The following CLSTN2 variants were observed in gnomAD, a reference collection of about 807,000 sequenced individuals.
CLSTN2 encodes the protein calsyntenin 2.
A neutral mutation model predicts 101.2 loss-of-function variants in CLSTN2; 48 were observed. The ratio of observed to expected loss-of-function variants is 0.47; its 90% CI spans 0.38 to 0.60. CLSTN2 has a LOEUF of 0.60. Ranked by LOEUF, CLSTN2 falls within the 20% of genes least tolerant of loss-of-function variation. CLSTN2 has a pLI of 0.00. For missense variants in CLSTN2, 1,160 were observed against 1,238.2 expected (o/e 0.94, Z 0.95); for synonymous variants, 481 against 463.6 (o/e 1.04, Z -0.48).
rs2086775104 is a variant in CLSTN2, at chr3:140,274,439, T to C, written c.232+98366T>C. On this transcript the variant is annotated intron_variant, in intron 2 of 16. Transcript: ENST00000458420. ...CTTGATGTTAATTATTTGTTTAAAT[T>C]GGCCCCGTTTTATTTTGTAAAGTTG... 2.0e-5 allele frequency among the ~76,000 whole-genome samples: 3 copies of C among 152,196 alleles called. No homozygotes were observed. The South Asian group carries it at 6.2e-4, about 32-fold the overall frequency.
chr3:140,480,036 T>C (rs979066536), intron 8 of CLSTN2, among the ~76,000 whole-genome samples: 44 of 152,312 alleles, frequency 2.9e-4, no homozygotes, highest in African/African-American at 8.2e-4. Flanking sequence ...TGTGCCATGT[T>C]GGTGTGCTGC....
At chr3:140,300,525 T>C (rs768476524) in intron 2 of CLSTN2, among the ~76,000 whole-genome samples, 3 of 152,146 alleles carry the variant, frequency 2.0e-5, no homozygotes, top group Non-Finnish European at 2.9e-5. Context: ...TATTACTAGA[T>C]AGTTGGTGCT....
At chr3:140,298,228 A>G (rs1347667397) in intron 2 of CLSTN2, among the ~76,000 whole-genome samples, 1 of 152,254 alleles carries the variant, frequency 6.6e-6, no homozygotes, top group African/African-American at 2.4e-5. Context: ...CAAATCACTT[A>G]ATATGTGTAA....
At chr3:140,037,702 C>T (rs1001728437) in intron 1 of CLSTN2, among the ~76,000 whole-genome samples, 3 of 152,102 alleles carry the variant, frequency 2.0e-5, no homozygotes, top group African/African-American at 7.2e-5. Flanking sequence ...CTCCCTACCC[C>T]GACCCCACTG....
chr3:140,157,133 A>G (rs1363209351), intron 1 of CLSTN2, among the ~76,000 whole-genome samples: 3 of 152,070 alleles, frequency 2.0e-5, no homozygotes. Context: ...TTATTTTTTT[A>G]AAGAAAAAGA....
At chr3:140,071,249 C>A (rs1199972935) in intron 1 of CLSTN2, among the ~76,000 whole-genome samples, 1 of 151,988 alleles carries the variant, frequency 6.6e-6, no homozygotes, top group Admixed American at 6.6e-5. Context: ...CATTGCAATA[C>A]CTTCCGCATG....
At chr3:140,312,638 T>C (rs2087181795) in intron 2 of CLSTN2, among the ~76,000 whole-genome samples, 1 of 152,212 alleles carries the variant, frequency 6.6e-6, no homozygotes, top group Non-Finnish European at 1.5e-5. Context: ...TCTATCATGT[T>C]GTTAGCATTG....
chr3:140,411,139 G>C (rs1462452649), intron 4 of CLSTN2, among the ~76,000 whole-genome samples: 1 of 152,180 alleles, frequency 6.6e-6, no homozygotes, highest in Non-Finnish European at 1.5e-5. Flanking sequence ...AAAAGGCATA[G>C]AGTGGATCAA....
At chr3:140,457,250 A>G (rs150055682) in intron 6 of CLSTN2, among the ~76,000 whole-genome samples, 1 of 152,342 alleles carries the variant, frequency 6.6e-6, no homozygotes, top group Non-Finnish European at 1.5e-5. Flanking sequence ...GCTAGAAGTC[A>G]GAAGCCCTGA....
chr3:140,189,608 T>TA (rs1319864644), intron 2 of CLSTN2, among the ~76,000 whole-genome samples: 12 of 152,240 alleles, frequency 7.9e-5, no homozygotes, highest in Non-Finnish European at 1.2e-4. Flanking sequence ...TTTATATTCT[T>TA]ACGGTTGAGT....
At chr3:140,192,797 TA>T (rs2010587905) in intron 2 of CLSTN2, among the ~76,000 whole-genome samples, 1 of 151,996 alleles carries the variant, frequency 6.6e-6, no homozygotes, top group South Asian at 2.1e-4. Flanking sequence ...TTTATATTTA[TA>T]TGGTAGGGTT....
At chr3:140,410,881 T>C (rs1336073391) in intron 4 of CLSTN2, among the ~76,000 whole-genome samples, 2 of 152,162 alleles carry the variant, frequency 1.3e-5, no homozygotes, top group African/African-American at 2.4e-5. Context: ...ACAACCATAA[T>C]ATGTTTTATA....
chr3:140,400,624 C>T (rs114178894), intron 2 of CLSTN2, among the ~76,000 whole-genome samples: 3,786 of 152,150 alleles, frequency 0.025, 61 homozygotes, highest in Non-Finnish European at 0.039. Flanking sequence ...GCTTGAGCTC[C>T]GGAGTTTGAG....
At chr3:140,435,090 T>A (rs1206913254) in intron 5 of CLSTN2, among the ~76,000 whole-genome samples, 1 of 152,170 alleles carries the variant, frequency 6.6e-6, no homozygotes, top group Non-Finnish European at 1.5e-5. Flanking sequence ...TTCTTTAAGT[T>A]ACTTTAAAAT....
intron 9 of CLSTN2, among the ~76,000 whole-genome samples, chr3:140,535,320 T>A (rs902930957): frequency 1.3e-5 from 2 of 152,208 alleles, no homozygotes; most frequent in Non-Finnish European, 2.9e-5. Flanking sequence ...TTTATTCCAT[T>A]CCCCGGAAGA....
chr3:140,292,857 C>T (rs1418214220), intron 2 of CLSTN2, among the ~76,000 whole-genome samples: 4 of 152,202 alleles, frequency 2.6e-5, no homozygotes. Context: ...TAAACCACAG[C>T]TTTCCACTTT....
rs150929970 is a variant in CLSTN2, at chr3:140,010,038, C to A, written c.109+74555C>A. ...AGGTGTGTATTATTACTGTTGCCAC[C>A]CACAGTCATCCATAACACCTACACT... On this transcript the variant is annotated intron_variant, in intron 1 of 16. Coordinates refer to ENST00000458420, the MANE Select transcript of CLSTN2 (RefSeq NM_022131.3). Among the ~76,000 whole-genome samples the A allele has an allele frequency of 4.2e-3, 638 of 152,236 alleles. 7 individuals carry two copies. Among genetic ancestry groups the A allele is most frequent in the African/African-American group, 0.015 (618 of 41,530 alleles).
chr3:140,327,228 G>T (rs1451339905), intron 2 of CLSTN2, among the ~76,000 whole-genome samples: 2 of 152,146 alleles, frequency 1.3e-5, no homozygotes, highest in Non-Finnish European at 2.9e-5. Flanking sequence ...TAGGCTTACT[G>T]GTACCCAATC....
intron 2 of CLSTN2, among the ~76,000 whole-genome samples, chr3:140,248,918 T>C (rs887929912): frequency 6.6e-6 from 1 of 152,198 alleles, no homozygotes; most frequent in Non-Finnish European, 1.5e-5. Flanking sequence ...TATCTGATTT[T>C]AAAAGGAGAG....
Sources: allele counts gnomAD v4.1 joint callset (sites outside exome capture counted in the v4.1 genomes callset), GRCh38; gene constraint gnomAD v4.1.1; transcripts MANE v1.5; gene names NCBI Gene and HGNC (gene_info 2026-07-23, HGNC 2026-07-21).